Variants in ASTN2 observed in about 807,000 individuals in gnomAD.
ASTN2 encodes the protein astrotactin-2.
A neutral mutation model predicts 139.8 loss-of-function variants in ASTN2; 54 were observed. The observed-to-expected ratio is 0.39, with a 90% CI of 0.31 to 0.48. The LOEUF (loss-of-function observed/expected upper bound fraction) is 0.48, where lower values mean the gene tolerates loss of function less well. ASTN2 is among the 20% of genes least tolerant of loss of function. The probability of loss-of-function intolerance (pLI) is 0.95; values close to 1 mark genes in which losing one functional copy is unlikely to be tolerated. For missense variants in ASTN2, 1,565 were observed against 1,725.1 expected (o/e 0.91, Z 1.64); for synonymous variants, 756 against 719.5 (o/e 1.05, Z -0.81).
chr9:117,020,884 T>A (rs200248090), intron 6 of ASTN2, among the ~76,000 whole-genome samples: 1 of 152,102 alleles, frequency 6.6e-6, no homozygotes, highest in East Asian at 1.9e-4. Flanking sequence ...TTGCCATAGA[T>A]GTTATCAAAC....
intron 10 of ASTN2, among the ~76,000 whole-genome samples, chr9:116,966,357 CAA>C (rs963568346): frequency 2.0e-5 from 3 of 152,040 alleles, no homozygotes; most frequent in Non-Finnish European, 4.4e-5. Context: ...ATTTATATTC[CAA>C]AGTCTCCATT....
At position 116,620,348 on chromosome 9, in the gene ASTN2, G is replaced by T; in HGVS notation, c.3168C>A (p.Ala1056=). 6.2e-7 allele frequency: 1 copy of T among 1,614,086 alleles called. No individual in the cohort carries two copies. The highest frequency in any genetic ancestry group is 1.1e-5 in the South Asian group (1 of 91,078). The change falls in exon 18 of 23, where the codon GCC becomes GCA. Residue 1056 remains alanine, a synonymous_variant. Transcript: ENST00000313400. ...WCRCDLSAFD[A]NGLPNCSPLL... is the part of the protein sequence containing the mutation. Reference sequence around the variant, plus strand: ...GGGGGCTGCAGTTGGGGAGCCCATTGGCATCAAAGGCGCTGAGGTCACACC... The same window carrying T: ...GGGGGCTGCAGTTGGGGAGCCCATTTGCATCAAAGGCGCTGAGGTCACACC...
chr9:116,862,866 C>G (rs886577611), intron 11 of ASTN2, among the ~76,000 whole-genome samples: 1 of 151,518 alleles, frequency 6.6e-6, no homozygotes, highest in Non-Finnish European at 1.5e-5. Flanking sequence ...GTCAGGCTCC[C>G]GGGACCTAAT....
intron 19 of ASTN2, among the ~76,000 whole-genome samples, chr9:116,507,752 T>TG (rs1304217729): frequency 6.6e-6 from 1 of 152,204 alleles, no homozygotes; most frequent in Non-Finnish European, 1.5e-5. Context: ...TCTGTCCTTC[T>TG]GCAAACTCGA....
intron 4 of ASTN2, among the ~76,000 whole-genome samples, chr9:117,128,435 T>G (rs1229743732): frequency 7.5e-6 from 1 of 133,640 alleles, no homozygotes; most frequent in South Asian, 2.6e-4. Context: ...CAAACACTAA[T>G]CTTAGGTTTT....
chr9:116,549,218 TAAAG>T (rs999072730), intron 19 of ASTN2, among the ~76,000 whole-genome samples: 2 of 56,810 alleles, frequency 3.5e-5, no homozygotes, highest in African/African-American at 1.3e-4. Context: ...AAGCTGAAAA[TAAAG>T]AAAGAAGGAA....
At chr9:116,578,457 A>G (rs1055211266) in intron 19 of ASTN2, among the ~76,000 whole-genome samples, 1 of 152,144 alleles carries the variant, frequency 6.6e-6, no homozygotes, top group South Asian at 2.1e-4. Context: ...TTCTAAGAAC[A>G]TTTTTAATTC....
chr9:116,951,960 C>T (rs1449904803), intron 10 of ASTN2, among the ~76,000 whole-genome samples: 2 of 152,160 alleles, frequency 1.3e-5, no homozygotes, highest in African/African-American at 4.8e-5. Context: ...AGTAATGTGA[C>T]TATTTTTGTT....
chr9:116,916,106 C>T (rs879483308), intron 10 of ASTN2, among the ~76,000 whole-genome samples: 5 of 152,082 alleles, frequency 3.3e-5, no homozygotes, highest in Admixed American at 6.5e-5. Flanking sequence ...GAAAACAATC[C>T]CTACATTTGG....
chr9:116,690,746 A>T (rs1447230433), intron 16 of ASTN2, among the ~76,000 whole-genome samples: 1 of 152,170 alleles, frequency 6.6e-6, no homozygotes, highest in Admixed American at 6.5e-5. Flanking sequence ...TGGACAGGCT[A>T]CTTTCTCTGA....
At chr9:116,934,486 C>CT (rs1835007894) in intron 10 of ASTN2, among the ~76,000 whole-genome samples, 2 of 152,114 alleles carry the variant, frequency 1.3e-5, no homozygotes, top group Admixed American at 6.5e-5. Flanking sequence ...AGCAAAATGG[C>CT]TTTTTTGCTT....
intron 3 of ASTN2, among the ~76,000 whole-genome samples, chr9:117,148,871 G>C (rs1694599748): frequency 1.3e-5 from 2 of 152,144 alleles, no homozygotes; most frequent in Non-Finnish European, 2.9e-5. Flanking sequence ...CTCTGAGTTA[G>C]AGGAATATGC....
chr9:117,209,852 A>T (rs1452122018), intron 3 of ASTN2, among the ~76,000 whole-genome samples: 1 of 152,176 alleles, frequency 6.6e-6, no homozygotes, highest in Non-Finnish European at 1.5e-5. Flanking sequence ...ATTGTATCAA[A>T]TATCTTATCT....
At chr9:117,045,993 T>TAC (rs1838730321) in intron 5 of ASTN2, among the ~76,000 whole-genome samples, 68 of 146,034 alleles carry the variant, frequency 4.7e-4, no homozygotes, top group African/African-American at 1.7e-3. Flanking sequence ...CGTACGTACG[T>TAC]ATGTATGTAT....
chr9:116,442,933 C>T (rs1027254040), intron 20 of ASTN2, among the ~76,000 whole-genome samples: 2 of 152,112 alleles, frequency 1.3e-5, no homozygotes, highest in African/African-American at 4.8e-5. Context: ...CATTAATTTA[C>T]TCATTTAAGA....
intron 5 of ASTN2, among the ~76,000 whole-genome samples, chr9:117,054,329 T>G (rs949368125): frequency 6.6e-6 from 1 of 152,202 alleles, no homozygotes; most frequent in Non-Finnish European, 1.5e-5. Flanking sequence ...CATTACTCAC[T>G]GTGCCACCTG....
In ASTN2 at chr9:117,291,364, C is replaced by T. The variant is rs758448735; in HGVS notation, c.592G>A (p.Val198Ile). 1 of 1,614,178 alleles carries T rather than the reference C, an allele frequency of 6.2e-7. No individual in the cohort carries two copies. Among genetic ancestry groups the T allele is most frequent in the Non-Finnish European group, 8.5e-7 (1 of 1,180,010 alleles). Residue 198 changes from valine to isoleucine, a missense_variant, in exon 2 of 23, where the codon GTT (valine) becomes ATT (isoleucine). Val to Ile is a conservative substitution (Grantham distance 29, BLOSUM62 3). Transcript: ENST00000313400. ...APTLQEPSEI[V>I]EEQMHILHIS... ...TGGAGGATGTGCATCTGCTCCTCAA[C>T]AATCTCCGAGGGCTCCTGGAGAGTG...
chr9:116,534,537 T>C (rs1051118427), intron 19 of ASTN2, among the ~76,000 whole-genome samples: 1 of 152,234 alleles, frequency 6.6e-6, no homozygotes, highest in Non-Finnish European at 1.5e-5. Flanking sequence ...TTTAAATGTG[T>C]CCCAGAGATT....
chr9:117,298,020 C>T (rs186713206), intron 1 of ASTN2, among the ~76,000 whole-genome samples: 2 of 152,320 alleles, frequency 1.3e-5, no homozygotes, highest in Admixed American at 1.3e-4. Flanking sequence ...GTATCCCTAC[C>T]TTCGGGCTTC....
Sources: allele counts gnomAD v4.1 joint callset (sites outside exome capture counted in the v4.1 genomes callset), GRCh38; gene constraint gnomAD v4.1.1; transcripts MANE v1.5; gene names NCBI Gene and HGNC (gene_info 2026-07-23, HGNC 2026-07-21).